RAB38: variants seen among roughly 807,000 people sequenced by gnomAD.
RAB38 encodes RAB38, member RAS oncogene family, also known as ras-related protein Rab-38.
In RAB38, 15 loss-of-function variants were observed where a neutral mutation model predicts 18.4. That is an observed-to-expected ratio of 0.82 (90% CI 0.55 to 1.26). RAB38 has a LOEUF of 1.26. RAB38 is among the 50% of genes most tolerant of loss of function. The pLI, the probability that RAB38 is intolerant of heterozygous loss-of-function variation, is 0.00. For synonymous variants in RAB38, 101 were observed against 104.4 expected, an observed-to-expected ratio of 0.97 and a Z score of 0.20; for missense variants, 294 against 267.4, an observed-to-expected ratio of 1.10 and a Z score of -0.69.
the RAB38 span, among the ~76,000 whole-genome samples, chr11:88,103,517 C>T: frequency 6.6e-6 from 1 of 152,032 alleles, no homozygotes; most frequent in South Asian, 2.1e-4. Flanking sequence ...CAAGACAAGG[C>T]GTCTAAATAG....
the RAB38 span, among the ~76,000 whole-genome samples, chr11:88,077,210 G>T: frequency 6.6e-6 from 1 of 151,712 alleles, no homozygotes; most frequent in Non-Finnish European, 1.5e-5. Flanking sequence ...TAATTAAAAT[G>T]ACAATATGAC....
chr11:87,834,520 G>C, the RAB38 span, among the ~76,000 whole-genome samples: 1 of 152,176 alleles, frequency 6.6e-6, no homozygotes, highest in African/African-American at 2.4e-5. Context: ...GTTATGACTG[G>C]AAGTGGCAGA....
chr11:88,151,890 A>C (rs375336068), intron 1 of RAB38, among the ~76,000 whole-genome samples: 7 of 152,256 alleles, frequency 4.6e-5, no homozygotes, highest in African/African-American at 1.4e-4. Context: ...AAAAAAGAGT[A>C]TTTTGTCACA....
chr11:87,809,085 A>C, the RAB38 span, among the ~76,000 whole-genome samples: 1 of 152,122 alleles, frequency 6.6e-6, no homozygotes, highest in East Asian at 1.9e-4. Context: ...CAGAAAGCAC[A>C]TAATAAGATC....
chr11:87,814,720 C>CTTATTTTCTTTTTCTTTTTCTTTTTTTTT, the RAB38 span, among the ~76,000 whole-genome samples: 2 of 151,316 alleles, frequency 1.3e-5, no homozygotes, highest in Admixed American at 1.3e-4. Flanking sequence ...ATTTAAGTAG[C>CTTATTTTCTTTTTCTTTTTCTTTTTTTTT]TTATTTTCTT....
intron 2 of RAB38, among the ~76,000 whole-genome samples, chr11:88,145,079 C>A (rs1459576128): frequency 6.6e-6 from 1 of 151,780 alleles, no homozygotes; most frequent in Non-Finnish European, 1.5e-5. Flanking sequence ...GTAGAGTGTG[C>A]AAAGTGTGTG....
the RAB38 span, among the ~76,000 whole-genome samples, chr11:87,939,109 A>C: frequency 6.6e-6 from 1 of 152,140 alleles, no homozygotes; most frequent in Non-Finnish European, 1.5e-5. Flanking sequence ...TCCCAATCAA[A>C]CCTAGCTTAA....
At chr11:88,045,260 C>A in the RAB38 span, among the ~76,000 whole-genome samples, 27 of 152,150 alleles carry the variant, frequency 1.8e-4, no homozygotes, top group Non-Finnish European at 3.4e-4. Flanking sequence ...CCCCAAACCC[C>A]ACAACAGGAC....
chr11:87,909,469 C>G, the RAB38 span, among the ~76,000 whole-genome samples: 1 of 152,002 alleles, frequency 6.6e-6, no homozygotes, highest in Admixed American at 6.6e-5. Flanking sequence ...CTCTTTCTCT[C>G]TCCTTTTAAA....
At chr11:87,949,554 GC>G in the RAB38 span, among the ~76,000 whole-genome samples, 2 of 152,142 alleles carry the variant, frequency 1.3e-5, no homozygotes, top group Non-Finnish European at 2.9e-5. Context: ...TCTACACACT[GC>G]TTTGAATGTG....
At chr11:88,127,163 G>A (rs903324235) in intron 2 of RAB38, among the ~76,000 whole-genome samples, 1 of 152,192 alleles carries the variant, frequency 6.6e-6, no homozygotes, top group Non-Finnish European at 1.5e-5. Flanking sequence ...AGAAGATCGT[G>A]GAGTGTGCCT....
the RAB38 span, among the ~76,000 whole-genome samples, chr11:87,911,968 A>T: frequency 6.6e-6 from 1 of 151,716 alleles, no homozygotes; most frequent in South Asian, 2.1e-4. Context: ...TATTGAGATG[A>T]TCTTTTTTTC....
chr11:87,966,773 T>G, the RAB38 span, among the ~76,000 whole-genome samples: 1 of 152,202 alleles, frequency 6.6e-6, no homozygotes, highest in Non-Finnish European at 1.5e-5. Context: ...ATTAAGTACA[T>G]AATTTTATCT....
chr11:87,899,393 C>A, the RAB38 span, among the ~76,000 whole-genome samples: 1 of 151,734 alleles, frequency 6.6e-6, no homozygotes, highest in Non-Finnish European at 1.5e-5. Context: ...AAACTTAACT[C>A]CTCTAAGCTG....
intron 1 of RAB38, among the ~76,000 whole-genome samples, chr11:88,161,283 C>T (rs11607500): frequency 0.24 from 36,037 of 151,832 alleles, 4,345 homozygotes; most frequent in Admixed American, 0.27. Context: ...AATCTTTGTG[C>T]CCAAAGCCTG....
chr11:88,073,283 T>A, the RAB38 span, among the ~76,000 whole-genome samples: 1 of 152,204 alleles, frequency 6.6e-6, no homozygotes, highest in Non-Finnish European at 1.5e-5. Flanking sequence ...TCGAAGTGGA[T>A]GTTCAACAGA....
intron 2 of RAB38, among the ~76,000 whole-genome samples, chr11:88,141,139 A>G (rs191296237): frequency 3.9e-5 from 6 of 152,292 alleles, no homozygotes; most frequent in Admixed American, 1.3e-4. Flanking sequence ...CTCAGATAGA[A>G]TCAAGGCAGA....
chr11:88,101,934 G>A, the RAB38 span, among the ~76,000 whole-genome samples: 8 of 152,026 alleles, frequency 5.3e-5, no homozygotes, highest in African/African-American at 1.9e-4. Context: ...GGCATTTAGT[G>A]AAGAAAGAGT....
At chr11:87,896,238 A>G in the RAB38 span, among the ~76,000 whole-genome samples, 126 of 151,698 alleles carry the variant, frequency 8.3e-4, no homozygotes, top group Middle Eastern at 6.8e-3. Flanking sequence ...TTCCATTTCC[A>G]CTCATACATT....
Sources: gnomAD v4.1 joint callset for allele counts (sites outside exome capture counted in the v4.1 genomes callset) on GRCh38, gnomAD v4.1.1 for gene constraint, MANE v1.5 for transcripts, NCBI Gene and HGNC (gene_info 2026-07-23, HGNC 2026-07-21) for gene names.